Variants in KCNC4 observed in about 807,000 individuals in gnomAD.
KCNC4 encodes potassium voltage-gated channel subfamily C member 4, also known as voltage-gated potassium channel KCNC4.
Under a neutral mutation model 42.8 loss-of-function variants are expected in KCNC4, and 23 were observed. That is an observed-to-expected ratio of 0.54 (90% CI 0.39 to 0.76). KCNC4 has a LOEUF of 0.76. KCNC4 is among the 30% of genes least tolerant of loss of function. KCNC4 has a pLI of 0.00. For missense variants in KCNC4, 751 were observed against 898.2 expected (o/e 0.84, Z 2.10); for synonymous variants, 422 against 393.5 (o/e 1.07, Z -0.86).
intron 2 of KCNC4, chr1:110,225,401 C>T (rs532526819): frequency 6.6e-6 from 1 of 152,478 alleles, no homozygotes; most frequent in South Asian, 2.1e-4. Flanking sequence ...GAGCTTTTCT[C>T]ATGGTATCCT....
At chr1:110,246,786 C>A (rs1659158697) in exon 4 of KCNC4, 4 of 84,424 alleles carry the variant, frequency 4.7e-5, no homozygotes, top group Admixed American at 1.1e-4. Context: ...TTTTGGTACA[C>A]ATTTATTGGG....
chr1:110,239,724 C>A (rs751839756), exon 4 of KCNC4: 1 of 152,194 alleles, frequency 6.6e-6, no homozygotes, highest in Non-Finnish European at 1.5e-5. Context: ...ATAACATGAA[C>A]GCTCTTCTTT....
chr1:110,268,736 T>G (rs1486726184), intron 1 of KCNC4, among the ~76,000 whole-genome samples: 1 of 147,820 alleles, frequency 6.8e-6, no homozygotes, highest in Non-Finnish European at 1.5e-5. Flanking sequence ...TTTTATTTTT[T>G]TTTTTTTTTG....
chr1:110,261,678 G>A (rs967233741), intron 1 of KCNC4, among the ~76,000 whole-genome samples: 8 of 152,184 alleles, frequency 5.3e-5, no homozygotes, highest in Non-Finnish European at 1.2e-4. Context: ...GGGCAGCAAA[G>A]AAGTTAAAGC....
chr1:110,224,019 A>C (rs1571041255), intron 2 of KCNC4, 119 bp downstream of exon 2: 1 of 837,202 alleles, frequency 1.2e-6, no homozygotes, highest in South Asian at 1.8e-5. Flanking sequence ...CTAAGCATAA[A>C]GATGTGCCTT....
chr1:110,242,949 C>T (rs987687204), exon 4 of KCNC4: 1 of 152,240 alleles, frequency 6.6e-6, no homozygotes, highest in Non-Finnish European at 1.5e-5. Flanking sequence ...ATTGCTAATT[C>T]TGGCTCCACT....
downstream of KCNC4, among the ~76,000 whole-genome samples, chr1:110,284,002 G>T (rs1032721732): frequency 6.6e-6 from 1 of 152,120 alleles, no homozygotes; most frequent in Non-Finnish European, 1.5e-5. Context: ...TGGTTTCCTT[G>T]GGATAAAATG....
chr1:110,239,970 G>A (rs188697388), exon 4 of KCNC4: 304 of 152,354 alleles, frequency 2.0e-3, no homozygotes, highest in Non-Finnish European at 3.6e-3. Context: ...GGTGCTCAGC[G>A]AAATGTTGAA....
chr1:110,259,654 G>C (rs1374401961), intron 1 of KCNC4, among the ~76,000 whole-genome samples: 1 of 151,890 alleles, frequency 6.6e-6, no homozygotes, highest in Non-Finnish European at 1.5e-5. Flanking sequence ...GAATGAAGCA[G>C]CTGTCTCACA....
rs1166910458 is a variant in KCNC4 at position 110,211,181 on chromosome 1, C to T, written c.-319C>T. 6.6e-6 allele frequency among the ~76,000 whole-genome samples: 1 copy of T among 152,248 alleles called. No individual in the cohort carries two copies. Among genetic ancestry groups the T allele is most frequent in the Non-Finnish European group, 1.5e-5 (1 of 68,046 alleles). ...GTGAAGGCGGGGGCGTGTCCCCGGCCCAGAGCGTTTGTGTGTCCCGTCGTA... is the reference window on the plus strand; with the variant it reads ...GTGAAGGCGGGGGCGTGTCCCCGGCTCAGAGCGTTTGTGTGTCCCGTCGTA... On this transcript the variant is annotated 5_prime_UTR_variant, in exon 1 of 4. Coordinates refer to ENST00000438661, the MANE Select transcript of KCNC4 (RefSeq NM_001039574.3). This position sits in a 1 kb window ranked among gnomAD's most constrained non-coding sequence, Gnocchi z 6.5.
At chr1:110,227,251 C>T (rs949326839) in intron 3 of KCNC4, among the ~76,000 whole-genome samples, 7 of 152,202 alleles carry the variant, frequency 4.6e-5, no homozygotes, top group African/African-American at 1.4e-4. Flanking sequence ...GCCTGTGATG[C>T]CTCTGTCCCT....
intron 1 of KCNC4, among the ~76,000 whole-genome samples, chr1:110,272,084 A>G (rs928477946): frequency 2.0e-5 from 3 of 152,150 alleles, no homozygotes; most frequent in Non-Finnish European, 4.4e-5. Context: ...GGCCCACTCC[A>G]TCTTCTTCTG....
chr1:110,254,091 G>GGC (rs1491162786), downstream of KCNC4, among the ~76,000 whole-genome samples: 1 of 67,990 alleles, frequency 1.5e-5, no homozygotes, highest in African/African-American at 5.8e-5. Flanking sequence ...GGCAGAAGTC[G>GGC]GGGGGGGGGC....
chr1:110,253,252 G>T (rs1166715585), downstream of KCNC4, among the ~76,000 whole-genome samples: 1 of 152,174 alleles, frequency 6.6e-6, no homozygotes, highest in African/African-American at 2.4e-5. Context: ...CTTCATTGTT[G>T]TCTGTTTATG....
intron 1 of KCNC4, among the ~76,000 whole-genome samples, chr1:110,259,424 C>A (rs538402403): frequency 1.3e-5 from 2 of 152,260 alleles, no homozygotes; most frequent in Admixed American, 6.5e-5. Flanking sequence ...ATCTTTCCTC[C>A]CCTTCATCTT....
chr1:110,224,141 G>T, intron 2 of KCNC4: 1 of 540,206 alleles, frequency 1.9e-6, no homozygotes. Context: ...AGGGTGTGAT[G>T]GGCAGTACAT....
chr1:110,251,851 A>C (rs1473987919), downstream of KCNC4, among the ~76,000 whole-genome samples: 1 of 152,216 alleles, frequency 6.6e-6, no homozygotes, highest in African/African-American at 2.4e-5. Flanking sequence ...TCACTTCATC[A>C]GTAGAGGAGT....
At chr1:110,281,286 G>A (rs1659819034) in intron 1 of KCNC4, among the ~76,000 whole-genome samples, 1 of 152,018 alleles carries the variant, frequency 6.6e-6, no homozygotes, top group Non-Finnish European at 1.5e-5. Flanking sequence ...TGGTTAATGA[G>A]CTGTGGAAGC....
At chr1:110,281,555 A>AACACACACACACACACAC (rs55839432) in intron 1 of KCNC4, among the ~76,000 whole-genome samples, 74 of 140,438 alleles carry the variant, frequency 5.3e-4, no homozygotes, top group African/African-American at 1.8e-3. Flanking sequence ...CATATGTAAA[A>AACACACACACACACACAC]ACACACACAC....
Sources: gnomAD v4.1 joint callset for allele counts (sites outside exome capture counted in the v4.1 genomes callset) on GRCh38, gnomAD v4.1.1 for gene constraint, Gnocchi (gnomAD v3.1) non-coding constraint, MANE v1.5 for transcripts, NCBI Gene and HGNC (gene_info 2026-07-23, HGNC 2026-07-21) for gene names.